PRPSAP1: variants seen among roughly 807,000 people sequenced by gnomAD.
PRPSAP1 encodes phosphoribosyl pyrophosphate synthase-associated protein 1.
In PRPSAP1, 31 loss-of-function variants were observed where a neutral mutation model predicts 39.4. The observed-to-expected ratio is 0.79, with a 90% CI of 0.59 to 1.06. The LOEUF is 1.06. Ranked by LOEUF, PRPSAP1 falls within the 50% of genes least tolerant of loss-of-function variation. The pLI is 0.00. For synonymous variants in PRPSAP1, 212 were observed against 192.6 expected (o/e 1.10, Z -0.83); for missense variants, 430 against 511.6 (o/e 0.84, Z 1.54).
chr17:76,315,999 G>A (rs999847651), intron 7 of PRPSAP1, among the ~76,000 whole-genome samples: 3 of 150,554 alleles, frequency 2.0e-5, no homozygotes, highest in Non-Finnish European at 4.4e-5. Flanking sequence ...CCAACATGGT[G>A]AAACTCTGTC....
At chr17:76,341,325 C>T (rs891005892) in intron 3 of PRPSAP1, among the ~76,000 whole-genome samples, 1 of 150,760 alleles carries the variant, frequency 6.6e-6, no homozygotes, top group African/African-American at 2.4e-5. Context: ...GTAGCCTCGA[C>T]CACCCAGGCT....
intron 7 of PRPSAP1, 54 bp from the exon 8 acceptor site, chr17:76,313,945 A>G: frequency 1.3e-6 from 2 of 1,583,664 alleles, no homozygotes; most frequent in South Asian, 1.1e-5. Flanking sequence ...TCACTAGAGA[A>G]ATGTAATCAC....
Position 76,328,815 on chromosome 17 carries a change from T to C in PRPSAP1, c.683A>G (p.His228Arg). 6.2e-7 allele frequency: 1 copy of C among 1,614,074 alleles called. No homozygotes were observed. The highest frequency in any genetic ancestry group is 8.5e-7 in the Non-Finnish European group (1 of 1,180,010). ...CAGTTCCGTGCACTGAGCTTCCCCGTGAATGACGGCCAAACCCAGACGCAG... is the reference window on the plus strand; with the variant it reads ...CAGTTCCGTGCACTGAGCTTCCCCGCGAATGACGGCCAAACCCAGACGCAG... ...ERLRLGLAVI[H>R]GEAQCTELDM... The change falls in exon 7 of 10, where the codon CAC (histidine) becomes CGC (arginine). Residue 228 changes from histidine to arginine, a missense_variant. By Grantham distance (29) the His-to-Arg change is conservative. This residue lies in a region of PRPSAP1 where 278 missense variants were observed against 376.3 expected (regional missense o/e 0.74). Coordinates refer to ENST00000446526, the MANE Select transcript of PRPSAP1 (RefSeq NM_002766.3).
intron 7 of PRPSAP1, among the ~76,000 whole-genome samples, chr17:76,318,648 T>C (rs957566753): frequency 2.6e-5 from 4 of 152,166 alleles, no homozygotes; most frequent in Admixed American, 6.6e-5. Flanking sequence ...ATTTATTACA[T>C]ATACAAGAAA....
At chr17:76,317,432 G>A in intron 7 of PRPSAP1, among the ~76,000 whole-genome samples, 1 of 152,178 alleles carries the variant, frequency 6.6e-6, no homozygotes, top group East Asian at 1.9e-4. Context: ...GCTGAGGCAG[G>A]AGAATTGCTT....
chr17:76,344,289 G>A (rs1346570073), intron 3 of PRPSAP1, among the ~76,000 whole-genome samples: 6 of 152,074 alleles, frequency 3.9e-5, no homozygotes, highest in African/African-American at 1.4e-4. Context: ...CACCACGCCC[G>A]GCTAATTTTT....
intron 2 of PRPSAP1, chr17:76,346,058 G>A (rs762049780): frequency 5.5e-5 from 22 of 402,584 alleles, no homozygotes; most frequent in Admixed American, 9.1e-5. Flanking sequence ...ATGGGAAGTG[G>A]AGATGCCTGA....
chr17:76,313,660 TG>T, intron 8 of PRPSAP1, 160 bp downstream of exon 8: 1 of 691,126 alleles, frequency 1.4e-6, no homozygotes, highest in Non-Finnish European at 2.5e-6. Flanking sequence ...TATGTTCACC[TG>T]GATACAGGTT....
intron 1 of PRPSAP1, among the ~76,000 whole-genome samples, chr17:76,351,006 T>C (rs1479530540): frequency 6.6e-6 from 1 of 152,128 alleles, no homozygotes; most frequent in African/African-American, 2.4e-5. Flanking sequence ...CACTCCAGCC[T>C]GGGCAACAAG....
In PRPSAP1 at chr17:76,330,530, TG is replaced by T. The variant is rs1425478680; in HGVS notation, c.579+20del. Reference sequence around the variant, plus strand: ...AAGATCTCTTTTGAGGACAATGGGGTGTTTGCTGGTGGTTCCTCACTTCTTC... The same window carrying T: ...AAGATCTCTTTTGAGGACAATGGGGTTTTGCTGGTGGTTCCTCACTTCTTC... On this transcript the variant is annotated intron_variant, in intron 5 of 9. Transcript: ENST00000446526. 1.3e-6 allele frequency: 2 copies of T among 1,491,254 alleles called. No individual in the cohort carries two copies. The highest frequency in any genetic ancestry group is 2.8e-5 in the African/African-American group (2 of 71,330). The allele number at this position is 1,491,254 out of a possible 1,614,324, so 92.4% of individuals were successfully genotyped here. A position where few individuals can be genotyped will look rare whatever the true frequency, so the allele number is the denominator to read the frequency against.
intron 3 of PRPSAP1, among the ~76,000 whole-genome samples, chr17:76,335,619 T>C (rs2071369846): frequency 6.6e-6 from 1 of 151,484 alleles, no homozygotes; most frequent in South Asian, 2.1e-4. Flanking sequence ...CCTCCCAAAG[T>C]GTGTTGGGAT....
At chr17:76,345,344 A>G (rs941494064) in intron 2 of PRPSAP1, among the ~76,000 whole-genome samples, 1 of 145,754 alleles carries the variant, frequency 6.9e-6, no homozygotes, top group Admixed American at 7.0e-5. Flanking sequence ...GCGCACAACT[A>G]TAATCCCAGC....
intron 7 of PRPSAP1, among the ~76,000 whole-genome samples, chr17:76,323,203 G>A (rs1420853513): frequency 1.1e-5 from 1 of 93,930 alleles, no homozygotes. Flanking sequence ...TTAGCTGGGC[G>A]TGGTGGTGCA....
intron 8 of PRPSAP1, chr17:76,313,244 T>C: frequency 4.7e-6 from 2 of 426,796 alleles, no homozygotes; most frequent in South Asian, 5.4e-5. Context: ...CCTGTGACAT[T>C]ACGGCTGGAG....
At chr17:76,330,813 GT>G in intron 4 of PRPSAP1, 147 bp from the exon 5 acceptor site, 1 of 523,850 alleles carries the variant, frequency 1.9e-6, no homozygotes, top group South Asian at 2.8e-5. Context: ...AGGCTTGATT[GT>G]TAACCTTAAT....
In PRPSAP1 at chr17:76,340,591, T is replaced by C. The variant is rs150082576; in HGVS notation, c.290+4080A>G. On this transcript the variant is annotated intron_variant, in intron 3 of 9. Transcript: ENST00000446526. Reference sequence around the variant, plus strand: ...ATATGCTGTTTCTATGCTCGACTAGTTTGAAATAACCATGAACGGCCTCGC... The same window carrying C: ...ATATGCTGTTTCTATGCTCGACTAGCTTGAAATAACCATGAACGGCCTCGC... Among the ~76,000 whole-genome samples the C allele has an allele frequency of 3.3e-3, 501 of 151,698 alleles. 26 individuals carry two copies. Among genetic ancestry groups the C allele is most frequent in the African/African-American group, 0.012 (473 of 41,066 alleles).
intron 8 of PRPSAP1, chr17:76,313,498 C>A: frequency 3.0e-6 from 1 of 332,890 alleles, no homozygotes; most frequent in Non-Finnish European, 5.5e-6. Flanking sequence ...AACGGAACAG[C>A]TCATCTTCAG....
In PRPSAP1 at chr17:76,353,619, C is replaced by T. The variant is rs983787549; in HGVS notation, c.85G>A (p.Ala29Thr). ...TAGCCGGTGCGAGCGGCGTTCATGG[C>T]CGGCGGGGGAACGGGGCGGGCGCGC... ...VPRARPVPPP[A>T]MNAARTGYRV... The change falls in exon 1 of 10, where the codon GCC becomes ACC. Residue 29 changes from alanine to threonine, a missense_variant. Physicochemically the swap from Ala to Thr is moderately conservative, Grantham distance 58. Transcript: ENST00000446526. 4 of 1,552,788 alleles carry T rather than the reference C, an allele frequency of 2.6e-6. No homozygotes were observed. Among genetic ancestry groups the T allele is most frequent in the Non-Finnish European group, 3.5e-6 (4 of 1,154,942 alleles).
At chr17:76,331,124 A>G (rs1156406802) in intron 4 of PRPSAP1, among the ~76,000 whole-genome samples, 1 of 152,246 alleles carries the variant, frequency 6.6e-6, no homozygotes, top group African/African-American at 2.4e-5. Flanking sequence ...AAGATATTGA[A>G]GCTTAGAATA....
Sources: gnomAD v4.1 joint callset for allele counts (sites outside exome capture counted in the v4.1 genomes callset) on GRCh38, gnomAD v4.1.1 for gene constraint, gnomAD v4.1.1 regional missense constraint, MANE v1.5 for transcripts, NCBI Gene and HGNC (gene_info 2026-07-23, HGNC 2026-07-21) for gene names.